The following MYPN variants were observed in gnomAD, a reference collection of about 807,000 sequenced individuals.
The protein encoded by MYPN is myopalladin, also known as sarcomeric protein myopalladin, 145 kDa (MYOP).
A neutral mutation model predicts 129.4 loss-of-function variants in MYPN; 63 were observed. That is an observed-to-expected ratio of 0.49 (90% confidence interval 0.40 to 0.60). The LOEUF is 0.60. Among genes scored for constraint, MYPN ranks in the 20% least tolerant of loss-of-function variants. The pLI, the probability that MYPN is intolerant of heterozygous loss-of-function variation, is 0.00. For missense variants in MYPN, 1,596 were observed against 1,635.4 expected (o/e 0.98, Z 0.42); for synonymous variants, 629 against 600.9 (o/e 1.05, Z -0.68).
At chr10:68,143,207 G>A (rs1216617257) in intron 3 of MYPN, 92 bp downstream of exon 3, 10 of 1,223,394 alleles carry the variant, frequency 8.2e-6, no homozygotes, top group Middle Eastern at 2.7e-4. Context: ...TCTACCATGC[G>A]CTCTTCTAGG....
At chr10:68,111,475 G>C (rs17456755) in intron 1 of MYPN, among the ~76,000 whole-genome samples, 14,329 of 151,784 alleles carry the variant, frequency 0.094, 800 homozygotes, top group Middle Eastern at 0.17. Context: ...AAAATGAAAG[G>C]GTTTTCTTAA....
chr10:68,095,549 G>T (rs565876566), intron 1 of MYPN, among the ~76,000 whole-genome samples: 7 of 152,282 alleles, frequency 4.6e-5, no homozygotes, highest in African/African-American at 1.7e-4. Flanking sequence ...CCTAGAACCA[G>T]CCTAATGTGG....
rs116456902 is a variant in MYPN at position 68,211,675 on chromosome 10, A to G, written c.*1220A>G. The G allele has an allele frequency of 1.0e-3, 458 of 454,130 alleles. 1 individual carries two copies. Among genetic ancestry groups the G allele is most frequent in the African/African-American group, 8.5e-3 (426 of 50,124 alleles). The allele number at this position is 454,130 out of a possible 1,614,324, so 28.1% of individuals were successfully genotyped here. A position where few individuals can be genotyped will look rare whatever the true frequency, so the allele number is the denominator to read the frequency against. On this transcript the variant is annotated 3_prime_UTR_variant, in exon 20 of 20. Transcript: ENST00000358913. ...GAAGAGTACCTAGCACAAAGTAGACATTCAATAAATATTTGCTGGTTGAAT... is the reference window on the plus strand; with the variant it reads ...GAAGAGTACCTAGCACAAAGTAGACGTTCAATAAATATTTGCTGGTTGAAT...
At chr10:68,184,789 C>T (rs887236676) in intron 12 of MYPN, among the ~76,000 whole-genome samples, 6 of 152,126 alleles carry the variant, frequency 3.9e-5, no homozygotes, top group African/African-American at 1.4e-4. Context: ...TCTCTTCTGA[C>T]TTTCGGTGCC....
intron 17 of MYPN, among the ~76,000 whole-genome samples, chr10:68,200,626 C>G (rs1051764847): frequency 6.6e-6 from 1 of 151,900 alleles, no homozygotes; most frequent in Non-Finnish European, 1.5e-5. Context: ...GGTGTGGTGG[C>G]GCACACCTGT....
At chr10:68,195,100 G>A (rs2134280355) in intron 14 of MYPN, among the ~76,000 whole-genome samples, 1 of 152,306 alleles carries the variant, frequency 6.6e-6, no homozygotes, top group South Asian at 2.1e-4. Context: ...CTACTGAAAT[G>A]TTAGTTTTGA....
At position 68,142,807 on chromosome 10, in the gene MYPN, G is replaced by A. The variant is rs866019571; in HGVS notation, c.903-133G>A. On this transcript the variant is annotated intron_variant, in intron 2 of 19. Coordinates refer to ENST00000358913, the MANE Select transcript of MYPN (RefSeq NM_032578.4). ...CTTCTCACTGTTACAAAAAAATAATGTTATAATGATGGAGTTTTTTGTTGT... is the reference window on the plus strand; with the variant it reads ...CTTCTCACTGTTACAAAAAAATAATATTATAATGATGGAGTTTTTTGTTGT... The A allele has an allele frequency of 3.0e-4, 260 of 876,402 alleles. 2 individuals carry two copies. The Middle Eastern group carries it at 3.2e-3, about 11-fold the overall frequency. 54.3% of individuals were successfully genotyped at this position (876,402 alleles called of 1,614,324 possible).
Position 68,210,915 on chromosome 10 carries a change from G to C in MYPN, c.*460G>C, listed in dbSNP as rs2043902834. ...CACCATCACCTTTCATCGATTACAT[G>C]TATAGCAGTAGTTTTGGTGAATTCA... On this transcript the variant is annotated 3_prime_UTR_variant, in exon 20 of 20. Transcript: ENST00000358913. 1 of 454,744 alleles carries C rather than the reference G, an allele frequency of 2.2e-6. No homozygotes were observed. The highest frequency in any genetic ancestry group is 2.0e-5 in the African/African-American group (1 of 50,024). The allele number at this position is 454,744 out of a possible 1,614,324, so 28.2% of individuals were successfully genotyped here.
chr10:68,121,838 G>A lies in MYPN; in HGVS notation c.400G>A (p.Glu134Lys). Residue 134 changes from glutamate (E) to lysine (K), a missense_variant, in exon 2 of 20, where the codon GAG becomes AAG. By Grantham distance (56) the Glu-to-Lys change is moderately conservative (BLOSUM62 1). Coordinates refer to ENST00000358913, the MANE Select transcript of MYPN (RefSeq NM_032578.4). ...SPTSSKESPQ[E>K]AKRPQYCSET... Reference sequence around the variant, plus strand: ...CACCAGCTCTAAAGAAAGCCCCCAGGAGGCAAAAAGGCCACAGTATTGTTC... The same window carrying A: ...CACCAGCTCTAAAGAAAGCCCCCAGAAGGCAAAAAGGCCACAGTATTGTTC... 1 of 1,614,048 alleles carries A rather than the reference G, an allele frequency of 6.2e-7. No homozygotes were observed. Among genetic ancestry groups the A allele is most frequent in the Non-Finnish European group, 8.5e-7 (1 of 1,179,994 alleles).
intron 1 of MYPN, among the ~76,000 whole-genome samples, chr10:68,093,828 G>C (rs2041942794): frequency 6.6e-6 from 1 of 152,030 alleles, no homozygotes; most frequent in Non-Finnish European, 1.5e-5. Context: ...GACATAGACT[G>C]AGTATACATA....
At chr10:68,198,819 G>A (rs145068745) in intron 16 of MYPN, among the ~76,000 whole-genome samples, 1,707 of 147,258 alleles carry the variant, frequency 0.012, 39 homozygotes, top group African/African-American at 0.039. Context: ...TGAACACTGA[G>A]AACACATGGA....
rs2042489256 is a variant in MYPN, at chr10:68,136,497, G to C, written c.903-6443G>C. 1.8e-5 allele frequency: 24 copies of C among 1,308,320 alleles called. No individual in the cohort carries two copies. In the South Asian group the frequency reaches 3.1e-4, roughly 17 times the overall value. 81.0% of individuals were successfully genotyped at this position (1,308,320 alleles called of 1,614,324 possible). A position where few individuals can be genotyped will look rare whatever the true frequency, so the allele number is the denominator to read the frequency against. On this transcript the variant is annotated intron_variant, in intron 2 of 19. Coordinates refer to ENST00000358913, the MANE Select transcript of MYPN (RefSeq NM_032578.4). ...ACCCTCAAAAGTCTTCAGCATAGCA[G>C]GGTAAATTTAATACCTTTTCAGAAG...
rs1196831217 is a variant in MYPN at position 68,150,044 on chromosome 10, A to G, written c.1250A>G (p.Gln417Arg). 6.2e-7 allele frequency: 1 copy of G among 1,613,280 alleles called. No individual in the cohort carries two copies. Among genetic ancestry groups the G allele is most frequent in the African/African-American group, 1.3e-5 (1 of 74,904 alleles). ...QPRVATIQQC[Q>R]SPTNYLQGLD... ...CTGTTGCTTCCCTTCTACCAGTGTCAGAGCCCCACCAATTACTTGCAGGGA... is the reference window on the plus strand; with the variant it reads ...CTGTTGCTTCCCTTCTACCAGTGTCGGAGCCCCACCAATTACTTGCAGGGA... The change falls in exon 6 of 20, where the codon CAG (glutamine) becomes CGG (arginine). Residue 417 changes from glutamine (Q) to arginine (R), a missense_variant. Gln to Arg is a conservative substitution (Grantham distance 43). Coordinates refer to ENST00000358913, the MANE Select transcript of MYPN (RefSeq NM_032578.4).
intron 13 of MYPN, among the ~76,000 whole-genome samples, chr10:68,192,110 C>G (rs1012967852): frequency 2.0e-5 from 3 of 152,042 alleles, no homozygotes; most frequent in African/African-American, 7.2e-5. Flanking sequence ...TCAATTTTTC[C>G]CTGTTCAGTA....
chr10:68,161,787 T>TG (rs1195825866), intron 8 of MYPN, 35 bp downstream of exon 8: 1 of 1,512,870 alleles, frequency 6.6e-7, no homozygotes, highest in Admixed American at 1.7e-5. Flanking sequence ...TATTAGTATA[T>TG]GAGTGATTTT....
chr10:68,136,865 A>G (rs2134043719), intron 2 of MYPN: 2 of 968,140 alleles, frequency 2.1e-6, no homozygotes, highest in South Asian at 2.0e-5. Context: ...TAAAAGCCAA[A>G]TGTTATTAAA....
At chr10:68,101,182 A>G (rs2041980053), upstream of MYPN, among the ~76,000 whole-genome samples, 1 of 152,198 alleles carries the variant, frequency 6.6e-6, no homozygotes, top group African/African-American at 2.4e-5. Context: ...ATAATACATA[A>G]ATACGTAAAA....
At position 68,211,711 on chromosome 10, in the gene MYPN, T is replaced by C; in HGVS notation, c.*1256T>C. The C allele has an allele frequency of 2.2e-6, 1 of 454,140 alleles. No individual in the cohort carries two copies. The highest frequency in any genetic ancestry group is 4.4e-6 in the Non-Finnish European group (1 of 226,788). 28.1% of individuals were successfully genotyped at this position (454,140 alleles called of 1,614,324 possible). ...ATTTGCTGGTTGAATGAATCTTCTG[T>C]TATTATGTCTATTATAAGATAACCT... On this transcript the variant is annotated 3_prime_UTR_variant, in exon 20 of 20. Transcript: ENST00000358913.
Position 68,089,178 on chromosome 10 carries a change from T to G in MYPN, c.-2+1186T>G, listed in dbSNP as rs187287746. Among the ~76,000 whole-genome samples the G allele has an allele frequency of 2.6e-5, 4 of 152,170 alleles. No individual in the cohort carries two copies. The East Asian group carries it at 7.7e-4, about 29-fold the overall frequency. On this transcript the variant is annotated intron_variant, in intron 1 of 6. Transcript: ENST00000685154. ...TCCCAAGTAGCTGGGATTACAGACA[T>G]GCGCCACAGTGCTCAGCTAATTTTT...
Sources: gnomAD v4.1 joint callset for allele counts (sites outside exome capture counted in the v4.1 genomes callset) on GRCh38, gnomAD v4.1.1 for gene constraint, MANE v1.5 for transcripts, NCBI Gene and HGNC (gene_info 2026-07-23, HGNC 2026-07-21) for gene names.